Variants in LOXL3 observed in about 807,000 individuals in gnomAD.
LOXL3 encodes the protein lysyl oxidase like 3.
LOXL3 carries 60 observed loss-of-function variants against 91.8 expected under a neutral mutation model. The observed-to-expected ratio is 0.65, with a 90% CI of 0.53 to 0.81. The LOEUF is 0.81. Among genes scored for constraint, LOXL3 ranks in the 30% least tolerant of loss-of-function variants. The probability of loss-of-function intolerance (pLI) is 0.00; values close to 1 mark genes in which losing one functional copy is unlikely to be tolerated. For missense variants in LOXL3, 874 were observed against 1,000.4 expected, an observed-to-expected ratio of 0.87 and a Z score of 1.70; for synonymous variants, 355 against 387.6, an observed-to-expected ratio of 0.92 and a Z score of 0.99.
chr2:74,549,590 G>A lies in LOXL3; in HGVS notation c.478-7C>T. The A allele has an allele frequency of 6.3e-7, 1 of 1,599,746 alleles. No homozygotes were observed. On this transcript the variant is annotated splice_region_variant and splice_polypyrimidine_tract_variant and intron_variant, in intron 3 of 13. Transcript: ENST00000264094. The surrounding 1 kb of genome is among the most constrained non-coding windows in gnomAD (Gnocchi z 5.3). ...CTTGCAGGTGATGCTCTACCTGGGG[G>A]CGGGGCCACAAGCAGGGAAAGAATC... is the stretch of plus-strand genomic sequence containing the variant.
Position 74,549,646 on chromosome 2 carries a change from C to G in LOXL3, c.478-63G>C. On this transcript the variant is annotated intron_variant, in intron 3 of 13. Coordinates refer to ENST00000264094, the MANE Select transcript of LOXL3 (RefSeq NM_032603.5). The surrounding 1 kb of genome is among the most constrained non-coding windows in gnomAD (Gnocchi z 5.3). ...GGCACCTTTCATGTGTCCCGCCGCC[C>G]TTAAGGAACCCTGCTTGGTGTGCCT... 1 of 1,527,012 alleles carries G rather than the reference C, an allele frequency of 6.5e-7. No individual in the cohort carries two copies. 94.6% of individuals were successfully genotyped at this position (1,527,012 alleles called of 1,614,324 possible).
chr2:74,553,574 C>T (rs1170424356), intron 1 of LOXL3, among the ~76,000 whole-genome samples: 1 of 152,236 alleles, frequency 6.6e-6, no homozygotes, highest in Non-Finnish European at 1.5e-5. Context: ...ATGCTTCCCC[C>T]AACCCAAACA....
chr2:74,542,523 C>T (rs1003298339), intron 4 of LOXL3, among the ~76,000 whole-genome samples: 1 of 149,880 alleles, frequency 6.7e-6, no homozygotes, highest in African/African-American at 2.4e-5. Context: ...TACACATGCA[C>T]ACACACACAC....
Position 74,552,660 on chromosome 2 carries a change from A to G in LOXL3, c.-12-14T>C. On this transcript the variant is annotated splice_polypyrimidine_tract_variant and intron_variant, in intron 1 of 13. Transcript: ENST00000264094. ...GGCAGGGAAGGCCTGGGTGCCCCAG[A>G]GACAAAGTGTGCGTGAGAGAAACAG... 9 of 1,509,796 alleles carry G rather than the reference A, an allele frequency of 6.0e-6. No homozygotes were observed. The highest frequency in any genetic ancestry group is 7.1e-6 in the Non-Finnish European group (8 of 1,121,364). The allele number at this position is 1,509,796 out of a possible 1,614,324, so 93.5% of individuals were successfully genotyped here. A position where few individuals can be genotyped will look rare whatever the true frequency, so the allele number is the denominator to read the frequency against.
upstream of LOXL3, chr2:74,555,077 CG>C (rs1677324640): frequency 6.6e-7 from 1 of 1,514,250 alleles, no homozygotes; most frequent in African/African-American, 1.4e-5. This position sits in a 1 kb window ranked among gnomAD's most constrained non-coding sequence, Gnocchi z 6.1. Flanking sequence ...CGACTTGCGC[CG>C]CAACCTCCTT....
At chr2:74,550,039 G>C in intron 3 of LOXL3, 146 bp downstream of exon 3, 1 of 1,470,616 alleles carries the variant, frequency 6.8e-7, no homozygotes, top group Non-Finnish European at 8.9e-7. Context: ...ACAGCATCTG[G>C]GAGCTCTATC....
At position 74,546,402 on chromosome 2, in the gene LOXL3, G is replaced by A. The variant is rs188683514; in HGVS notation, c.692+2967C>T. On this transcript the variant is annotated intron_variant, in intron 4 of 13. Coordinates refer to ENST00000264094, the MANE Select transcript of LOXL3 (RefSeq NM_032603.5). ...AAAGCCATCCTCTCCCAGATGGCCC[G>A]CAGGATCTGGCTTCCCATTCTTTTC... 7.2e-4 allele frequency among the ~76,000 whole-genome samples: 110 copies of A among 152,120 alleles called. 2 individuals carry two copies. The highest frequency in any genetic ancestry group is 2.4e-3 in the African/African-American group (99 of 41,500).
upstream of LOXL3, chr2:74,555,147 T>C (rs556382904): frequency 1.4e-5 from 23 of 1,605,412 alleles, no homozygotes; most frequent in African/African-American, 2.7e-4. This position sits in a 1 kb window ranked among gnomAD's most constrained non-coding sequence, Gnocchi z 6.1. Context: ...TCTCTCTCTC[T>C]CCCTAGAGGT....
In LOXL3 at chr2:74,532,662, G is replaced by A; in HGVS notation, c.*944C>T. On this transcript the variant is annotated 3_prime_UTR_variant, in exon 14 of 14. Transcript: ENST00000264094. ...GCTTCGAGAACCAAGCTTTCCCGAT[G>A]TTCAGCATGGTGTACTCATCCATAA... The A allele has an allele frequency of 6.2e-7, 1 of 1,613,792 alleles. No homozygotes were observed.
At chr2:74,543,913 A>G (rs1676462619) in intron 4 of LOXL3, among the ~76,000 whole-genome samples, 1 of 150,748 alleles carries the variant, frequency 6.6e-6, no homozygotes, top group Non-Finnish European at 1.5e-5. Context: ...AAAAAAAAAA[A>G]AAAAAAAAAA....
intron 4 of LOXL3, among the ~76,000 whole-genome samples, chr2:74,540,753 A>T (rs1573012297): frequency 6.8e-6 from 1 of 147,624 alleles, no homozygotes; most frequent in East Asian, 2.0e-4. Context: ...CTGCAGCCTT[A>T]TCTCCTGGGC....
chr2:74,535,588 C>T lies in LOXL3; in HGVS notation c.1416G>A (p.Gln472=). The change falls in exon 8 of 14, where the codon CAG becomes CAA. Residue 472 remains glutamine, a splice_region_variant and synonymous_variant. Coordinates refer to ENST00000264094, the MANE Select transcript of LOXL3 (RefSeq NM_032603.5). This position sits in a 1 kb window ranked among gnomAD's most constrained non-coding sequence, Gnocchi z 4.2. ...CGGCTCCCCTTTCCTTCCCACTCACCTGCAGGCCGTGGTTGGCGTAGCCCA... is the reference window on the plus strand; with the variant it reads ...CGGCTCCCCTTTCCTTCCCACTCACTTGCAGGCCGTGGTTGGCGTAGCCCA... ...LGLGYANHGL[Q]ETWYWDSGNI... 1 of 1,613,970 alleles carries T rather than the reference C, an allele frequency of 6.2e-7. No individual in the cohort carries two copies. Among genetic ancestry groups the T allele is most frequent in the East Asian group, 2.2e-5 (1 of 44,884 alleles).
chr2:74,554,774 A>T, upstream of LOXL3: 1 of 1,613,956 alleles, frequency 6.2e-7, no homozygotes. This position sits in a 1 kb window ranked among gnomAD's most constrained non-coding sequence, Gnocchi z 4.9. Flanking sequence ...GCAGTGATGG[A>T]AGGGCCGCTT....
At chr2:74,543,959 A>C (rs1676468809) in intron 4 of LOXL3, among the ~76,000 whole-genome samples, 1 of 150,956 alleles carries the variant, frequency 6.6e-6, no homozygotes, top group Non-Finnish European at 1.5e-5. Context: ...GATTCAAATG[A>C]TCTTTTGGAG....
At chr2:74,555,659 A>G (rs377436821), upstream of LOXL3, 9 of 1,613,850 alleles carry the variant, frequency 5.6e-6, no homozygotes, top group African/African-American at 5.3e-5. This position sits in a 1 kb window ranked among gnomAD's most constrained non-coding sequence, Gnocchi z 6.1. Flanking sequence ...GTACAGCCCT[A>G]CCTGGGAAGG....
chr2:74,555,318 C>T (rs374772932), upstream of LOXL3: 1 of 1,613,966 alleles, frequency 6.2e-7, no homozygotes, highest in Admixed American at 1.7e-5. This position sits in a 1 kb window ranked among gnomAD's most constrained non-coding sequence, Gnocchi z 6.1. Context: ...GTGTGGCCCC[C>T]GTCACCGTGG....
rs1020496055 is a variant in LOXL3 at position 74,535,112 on chromosome 2, C to T, written c.1579+180G>A. ...CAGGCTGGTCTTGAATTCCTGACCT[C>T]GTGATCCATCCGCCTTGGCCTCCTA... On this transcript the variant is annotated intron_variant, in intron 9 of 13. Transcript: ENST00000264094. This position sits in a 1 kb window ranked among gnomAD's most constrained non-coding sequence, Gnocchi z 4.2. Among the ~76,000 whole-genome samples the T allele has an allele frequency of 3.9e-5, 6 of 152,272 alleles. No homozygotes were observed. The highest frequency in any genetic ancestry group is 2.1e-4 in the South Asian group (1 of 4,828).
At chr2:74,539,963 GC>G (rs1195971546) in intron 4 of LOXL3, 4 of 152,748 alleles carry the variant, frequency 2.6e-5, no homozygotes, top group Admixed American at 2.0e-4. Flanking sequence ...CTTCCTGGTG[GC>G]AGGATATTAT....
chr2:74,543,868 T>C, intron 4 of LOXL3, among the ~76,000 whole-genome samples: 1 of 117,594 alleles, frequency 8.5e-6, no homozygotes. Flanking sequence ...ACCAGTACAC[T>C]CCAGCCTGGG....
Sources: gnomAD v4.1 joint callset for allele counts (sites outside exome capture counted in the v4.1 genomes callset) on GRCh38, gnomAD v4.1.1 for gene constraint, Gnocchi (gnomAD v3.1) non-coding constraint, MANE v1.5 for transcripts, NCBI Gene and HGNC (gene_info 2026-07-23, HGNC 2026-07-21) for gene names.